SLC14A2: variants seen among roughly 807,000 people sequenced by gnomAD.
The protein encoded by SLC14A2 is urea transporter 2.
SLC14A2 carries 91 observed loss-of-function variants against 104.6 expected under a neutral mutation model. That is an observed-to-expected ratio of 0.87 (90% confidence interval 0.73 to 1.04). SLC14A2 has a LOEUF of 1.04. Ranked by LOEUF, SLC14A2 falls within the 50% of genes least tolerant of loss-of-function variation. SLC14A2 has a pLI of 0.00. For missense variants in SLC14A2, 1,189 were observed against 1,156.0 expected (o/e 1.03, Z -0.41); for synonymous variants, 476 against 466.4 (o/e 1.02, Z -0.27).
chr18:45,225,363 T>G (rs12150733), intron 1 of SLC14A2, among the ~76,000 whole-genome samples: 47,120 of 151,864 alleles, frequency 0.31, 7,782 homozygotes, highest in African/African-American at 0.43. Context: ...CTCTGTTTTG[T>G]TACCAGTACC....
chr18:45,556,967 C>T (rs908200987), intron 2 of SLC14A2, among the ~76,000 whole-genome samples: 11 of 152,176 alleles, frequency 7.2e-5, no homozygotes, highest in Non-Finnish European at 1.3e-4. Flanking sequence ...CAAATAAACC[C>T]AAAGTAACAG....
rs146981025 is a variant in SLC14A2 at position 45,453,308 on chromosome 18, C to CT, written c.-124-29924dup. ...CCCATTGCTCTCCGGCATCCCCTGG[C>CT]TGAGAGCAGGAACTAGGGCAAACCA... On this transcript the variant is annotated intron_variant, in intron 1 of 20. Coordinates refer to the SLC14A2 transcript ENST00000586448. Among the ~76,000 whole-genome samples, 1,050 of 152,250 alleles carry CT rather than the reference C, an allele frequency of 6.9e-3. 11 individuals are homozygous for CT. Among genetic ancestry groups the CT allele is most frequent in the African/African-American group, 0.024 (985 of 41,556 alleles).
Position 45,639,812 on chromosome 18 carries a change from G to T in SLC14A2, c.910G>T (p.Val304Leu). Residue 304 changes from valine (V) to leucine (L), a missense_variant, in exon 7 of 20, where the codon GTG becomes TTG. Transcript: ENST00000255226. Reference sequence around the variant, plus strand: ...CTGTGACAATCCCTGGACAGGCGGCGTGTTCCTGGTGGCTCTGTTCATCTC... The same window carrying T: ...CTGTGACAATCCCTGGACAGGCGGCTTGTTCCTGGTGGCTCTGTTCATCTC... Reference protein sequence around the residue: ...YGCDNPWTGGVFLVALFISSP... With the variant: ...YGCDNPWTGGLFLVALFISSP... 2 of 1,613,950 alleles carry T rather than the reference G, an allele frequency of 1.2e-6. No individual in the cohort carries two copies. The highest frequency in any genetic ancestry group is 2.2e-5 in the East Asian group (1 of 44,870).
chr18:45,618,168 T>A (rs1384633581), intron 1 of SLC14A2, among the ~76,000 whole-genome samples: 1 of 152,166 alleles, frequency 6.6e-6, no homozygotes, highest in African/African-American at 2.4e-5. Context: ...AAGCTAGGTA[T>A]CCAGAGGTGT....
At chr18:45,612,724 G>A (rs915013254), upstream of SLC14A2, among the ~76,000 whole-genome samples, 6 of 152,332 alleles carry the variant, frequency 3.9e-5, no homozygotes, top group African/African-American at 9.6e-5. Context: ...CCCAAATATC[G>A]TTTGGAATTT....
the SLC14A2 span, among the ~76,000 whole-genome samples, chr18:45,194,899 C>T: frequency 1.3e-5 from 2 of 152,118 alleles, no homozygotes; most frequent in African/African-American, 2.4e-5. Context: ...CTGCCTCAGC[C>T]TCCCAAAGTG....
chr18:45,193,687 G>T, the SLC14A2 span, among the ~76,000 whole-genome samples: 1 of 151,984 alleles, frequency 6.6e-6, no homozygotes, highest in African/African-American at 2.4e-5. Flanking sequence ...AGTCGTTTTG[G>T]TTCTTCTAGT....
In SLC14A2 at chr18:45,253,283, C is replaced by A. The variant is rs536997177; in HGVS notation, c.-125+40092C>A. ...CAACACAGGCTGAGAAGTGGAGCAT[C>A]CTGACCACCCAGTACTGAGAGGCAG... is the stretch of plus-strand genomic sequence containing the variant. On this transcript the variant is annotated intron_variant, in intron 1 of 20. Coordinates refer to the SLC14A2 transcript ENST00000586448. Among the ~76,000 whole-genome samples the A allele has an allele frequency of 5.9e-4, 90 of 152,188 alleles. 1 individual carries two copies. The highest frequency in any genetic ancestry group is 1.9e-3 in the African/African-American group (78 of 41,510).
intron 2 of SLC14A2, among the ~76,000 whole-genome samples, chr18:45,502,285 T>C (rs1281250815): frequency 6.6e-6 from 1 of 152,252 alleles, no homozygotes; most frequent in African/African-American, 2.4e-5. Context: ...CGATAGTCTA[T>C]TGTTTCACAT....
At chr18:45,468,731 G>A (rs2087189771) in intron 1 of SLC14A2, among the ~76,000 whole-genome samples, 2 of 152,228 alleles carry the variant, frequency 1.3e-5, no homozygotes, top group Admixed American at 1.3e-4. Flanking sequence ...AGCCGTGAAA[G>A]AGGTTAAGGC....
the SLC14A2 span, among the ~76,000 whole-genome samples, chr18:45,187,598 C>G: frequency 6.6e-6 from 1 of 152,018 alleles, no homozygotes; most frequent in African/African-American, 2.4e-5. Context: ...GATCATCTAG[C>G]ACTTTTATGG....
At position 45,432,086 on chromosome 18, in the gene SLC14A2, T is replaced by A. The variant is rs185555086; in HGVS notation, c.-124-51147T>A. On this transcript the variant is annotated intron_variant, in intron 1 of 20. Transcript: ENST00000586448. ...ATCATTCCCCCAGCAAGACAATGCC[T>A]CGTTTGAATATTTGTTCTTAGTCAC... 3.9e-5 allele frequency among the ~76,000 whole-genome samples: 6 copies of A among 152,306 alleles called. No homozygotes were observed. The East Asian group carries it at 1.2e-3, about 29-fold the overall frequency.
intron 2 of SLC14A2, among the ~76,000 whole-genome samples, chr18:45,548,018 A>G (rs1397030992): frequency 6.6e-6 from 1 of 152,214 alleles, no homozygotes; most frequent in Non-Finnish European, 1.5e-5. Flanking sequence ...CAAGAAATCA[A>G]TTACTCAAAA....
chr18:45,453,475 A>G (rs1375608803), intron 1 of SLC14A2, among the ~76,000 whole-genome samples: 2 of 152,362 alleles, frequency 1.3e-5, no homozygotes, highest in Non-Finnish European at 1.5e-5. Context: ...AAATGTTTAA[A>G]TAAAGACAGG....
At chr18:45,387,115 C>T (rs1413142266) in intron 1 of SLC14A2, among the ~76,000 whole-genome samples, 1 of 152,328 alleles carries the variant, frequency 6.6e-6, no homozygotes, top group East Asian at 1.9e-4. Flanking sequence ...ATATTCTACT[C>T]ATTGTGGAAA....
At chr18:45,218,076 G>A (rs1438619825) in intron 1 of SLC14A2, among the ~76,000 whole-genome samples, 1 of 152,020 alleles carries the variant, frequency 6.6e-6, no homozygotes. Context: ...CAGTTCATGG[G>A]CATTAAGCAC....
upstream of SLC14A2, chr18:45,615,263 AG>A (rs1380696310): frequency 6.6e-6 from 1 of 152,164 alleles, no homozygotes; most frequent in Non-Finnish European, 1.5e-5. Context: ...AATATCTGGG[AG>A]GGGCCAGGGG....
intron 1 of SLC14A2, among the ~76,000 whole-genome samples, chr18:45,295,415 C>A (rs1200207705): frequency 1.3e-5 from 2 of 151,944 alleles, no homozygotes; most frequent in African/African-American, 2.4e-5. Flanking sequence ...CCATGACGAG[C>A]ATTATTATGG....
chr18:45,274,850 C>T (rs764894062), intron 1 of SLC14A2, among the ~76,000 whole-genome samples: 15 of 152,188 alleles, frequency 9.9e-5, no homozygotes, highest in Non-Finnish European at 1.6e-4. Context: ...CCCTAGAGAA[C>T]GTGATTTTTG....
Sources: allele counts gnomAD v4.1 joint callset (sites outside exome capture counted in the v4.1 genomes callset), GRCh38; gene constraint gnomAD v4.1.1; transcripts MANE v1.5; gene names NCBI Gene and HGNC (gene_info 2026-07-23, HGNC 2026-07-21).